Variants in RAD23B observed in about 807,000 individuals in gnomAD.
RAD23B encodes the protein RAD23 nucleotide excision repair protein B, also known as lysine-specific demethylase RAD23B.
Under a neutral mutation model 49.1 loss-of-function variants are expected in RAD23B, and 5 were observed. The observed-to-expected ratio is 0.10, with a 90% CI of 0.05 to 0.21. The LOEUF is 0.21. RAD23B is among the 10% of genes least tolerant of loss of function. The pLI is 1.00. For missense variants in RAD23B, 356 were observed against 486.7 expected, an observed-to-expected ratio of 0.73 and a Z score of 2.53; for synonymous variants, 184 against 165.4, an observed-to-expected ratio of 1.11 and a Z score of -0.86.
At chr9:107,285,037 T>A in intron 1 of RAD23B, 1 of 1,059,232 alleles carries the variant, frequency 9.4e-7, no homozygotes, top group Non-Finnish European at 1.2e-6. Flanking sequence ...CATCTTTAAT[T>A]TTTTAAGAAA....
In RAD23B at chr9:107,283,529, C is replaced by G; in HGVS notation, c.-101C>G. The G allele has an allele frequency of 2.4e-6, 2 of 825,966 alleles. No homozygotes were observed. The highest frequency in any genetic ancestry group is 3.4e-6 in the Non-Finnish European group (2 of 581,394). The allele number at this position is 825,966 out of a possible 1,614,324, so 51.2% of individuals were successfully genotyped here. ...ACCCCCACCGCCTTCCTCCCCAGAG[C>G]GCGAGGAGCGCGGGCGACCCCGGGG... On this transcript the variant is annotated 5_prime_UTR_variant, in exon 1 of 10. Transcript: ENST00000358015.
chr9:107,323,509 TGTG>T (rs908629510), intron 7 of RAD23B, among the ~76,000 whole-genome samples: 1 of 152,198 alleles, frequency 6.6e-6, no homozygotes, highest in Non-Finnish European at 1.5e-5. Flanking sequence ...TTGTTTTTGT[TGTG>T]GTGTATATTT....
chr9:107,304,483 G>A (rs1467003820), intron 3 of RAD23B, among the ~76,000 whole-genome samples: 1 of 152,164 alleles, frequency 6.6e-6, no homozygotes, highest in Non-Finnish European at 1.5e-5. Flanking sequence ...TATATTGGCT[G>A]TTAAGAAAGT....
chr9:107,319,608 G>T (rs553061241), intron 6 of RAD23B, among the ~76,000 whole-genome samples: 8 of 152,152 alleles, frequency 5.3e-5, no homozygotes, highest in African/African-American at 7.2e-5. Flanking sequence ...ATTTTAGATC[G>T]TGGAATCTAA....
At chr9:107,322,283 C>G (rs998032303) in intron 7 of RAD23B, among the ~76,000 whole-genome samples, 165 bp downstream of exon 7, 3 of 152,206 alleles carry the variant, frequency 2.0e-5, no homozygotes, top group Non-Finnish European at 2.9e-5. Flanking sequence ...GAAACTTTCC[C>G]AAGTGGATGT....
chr9:107,286,162 G>A (rs1160553405), intron 1 of RAD23B, among the ~76,000 whole-genome samples: 2 of 152,218 alleles, frequency 1.3e-5, no homozygotes, highest in African/African-American at 4.8e-5. Flanking sequence ...TACGTAGCCA[G>A]TATAGCAACT....
intron 1 of RAD23B, among the ~76,000 whole-genome samples, chr9:107,297,747 CT>C (rs375002813): frequency 0.014 from 2,060 of 146,722 alleles, 51 homozygotes; most frequent in African/African-American, 0.048. Context: ...ATTTATGGGG[CT>C]TTTTTTTCCT....
At chr9:107,295,635 A>T (rs994946833) in intron 1 of RAD23B, among the ~76,000 whole-genome samples, 2 of 152,182 alleles carry the variant, frequency 1.3e-5, no homozygotes, top group African/African-American at 4.8e-5. Context: ...CAGATTTGAG[A>T]TATTCTTTTG....
Position 107,306,353 on chromosome 9 carries a change from A to T in RAD23B, c.229-26A>T, listed in dbSNP as rs768675864. On this transcript the variant is annotated intron_variant, in intron 3 of 9. Transcript: ENST00000358015. Reference sequence around the variant, plus strand: ...AGGCAGTATGTAGTATTTTATTGTAATTATTTTGTCTTTTAATGTGTTTAG... The same window carrying T: ...AGGCAGTATGTAGTATTTTATTGTATTTATTTTGTCTTTTAATGTGTTTAG... The T allele has an allele frequency of 1.1e-5, 18 of 1,595,002 alleles. No homozygotes were observed. In the East Asian group the frequency reaches 4.0e-4, roughly 36 times the overall value.
chr9:107,303,001 TG>T (rs1826689757), intron 3 of RAD23B, among the ~76,000 whole-genome samples: 1 of 152,206 alleles, frequency 6.6e-6, no homozygotes, highest in Non-Finnish European at 1.5e-5. Flanking sequence ...TAGGCTGGAA[TG>T]TATTTGGAAC....
Position 107,283,627 on chromosome 9 carries a change from A to C in RAD23B, c.-3A>C. On this transcript the variant is annotated 5_prime_UTR_variant, in exon 1 of 10. Coordinates refer to ENST00000358015, the MANE Select transcript of RAD23B (RefSeq NM_002874.5). ...CCCGGCAGCCGAGCTGCGCGGCGGCACCATGCAGGTCACCCTGAAGACCCT... is the reference window on the plus strand; with the variant it reads ...CCCGGCAGCCGAGCTGCGCGGCGGCCCCATGCAGGTCACCCTGAAGACCCT... 6.8e-7 allele frequency: 1 copy of C among 1,478,334 alleles called. No individual in the cohort carries two copies. Among genetic ancestry groups the C allele is most frequent in the Non-Finnish European group, 9.0e-7 (1 of 1,112,436 alleles). The allele number at this position is 1,478,334 out of a possible 1,614,324, so 91.6% of individuals were successfully genotyped here.
intron 7 of RAD23B, among the ~76,000 whole-genome samples, chr9:107,323,036 C>T (rs1827140885): frequency 6.6e-6 from 1 of 152,196 alleles, no homozygotes. Flanking sequence ...GAATGATTGT[C>T]TTCCTGAATA....
In RAD23B at chr9:107,318,911, GTTGT is replaced by G. The variant is rs1827050792; in HGVS notation, c.681+35_681+38del. 3 of 1,574,130 alleles carry G rather than the reference GTTGT, an allele frequency of 1.9e-6. No homozygotes were observed. The highest frequency in any genetic ancestry group is 2.6e-6 in the Non-Finnish European group (3 of 1,153,530). On this transcript the variant is annotated intron_variant, in intron 6 of 9. Transcript: ENST00000358015. The surrounding 1 kb of genome is among the most constrained non-coding windows in gnomAD (Gnocchi z 4.3). ...AATATGTTTTACTTTACTCCATTCT[GTTGT>G]TTAAGATTAAAATCTCAAAGAAACA...
At chr9:107,306,045 T>TTTTATATATATATATA (rs59336314) in intron 3 of RAD23B, among the ~76,000 whole-genome samples, 9 of 26,790 alleles carry the variant, frequency 3.4e-4, no homozygotes, top group African/African-American at 1.2e-3. Context: ...ATGATACGGT[T>TTTTATATATATATATA]TATATCTATA....
chr9:107,299,438 T>C (rs967544176), intron 1 of RAD23B, among the ~76,000 whole-genome samples: 1 of 152,226 alleles, frequency 6.6e-6, no homozygotes, highest in Admixed American at 6.5e-5. Context: ...ATGAGCCTAA[T>C]TGTCACACAA....
intron 5 of RAD23B, among the ~76,000 whole-genome samples, chr9:107,316,438 G>T (rs780127828): frequency 6.6e-6 from 1 of 152,188 alleles, no homozygotes. Flanking sequence ...GTGCAGTTCT[G>T]ATTTTTTGTA....
chr9:107,306,045 T>TATA lies in RAD23B; in HGVS notation c.229-334_229-333insATA, dbSNP rs1564245432. The stretch of plus-strand genomic sequence containing the variant: ...AGTTTTTTTGGGAAAATGATACGGT[T>TATA]TATATCTATATATATATATATATAT... On this transcript the variant is annotated intron_variant, in intron 3 of 9. Transcript: ENST00000358015. Among the ~76,000 whole-genome samples, 230 of 26,730 alleles carry TATA rather than the reference T, an allele frequency of 8.6e-3. 9 individuals are homozygous for TATA. Among genetic ancestry groups the TATA allele is most frequent in the Non-Finnish European group, 0.012 (147 of 12,666 alleles). The allele number at this position is 26,730 out of a possible 152,430, so 17.5% of individuals were successfully genotyped here.
At chr9:107,312,809 G>T (rs1294776215) in intron 5 of RAD23B, among the ~76,000 whole-genome samples, 1 of 151,984 alleles carries the variant, frequency 6.6e-6, no homozygotes, top group Non-Finnish European at 1.5e-5. Context: ...CTCGGCTCCA[G>T]CTGGAGCCAG....
At chr9:107,324,761 T>C (rs1276596857) in intron 8 of RAD23B, 73 bp from the exon 9 acceptor site, 2 of 1,388,932 alleles carry the variant, frequency 1.4e-6, no homozygotes, top group African/African-American at 2.9e-5. Context: ...CTTAGTAATA[T>C]TTAGAATTTC....
Sources: allele counts gnomAD v4.1 joint callset (sites outside exome capture counted in the v4.1 genomes callset), GRCh38; gene constraint gnomAD v4.1.1; non-coding constraint Gnocchi (gnomAD v3.1); transcripts MANE v1.5; gene names NCBI Gene and HGNC (gene_info 2026-07-23, HGNC 2026-07-21).